Variants in PRDX4 observed in about 807,000 individuals in gnomAD.
PRDX4 encodes peroxiredoxin-4.
PRDX4 carries 12 observed loss-of-function variants against 20.5 expected under a neutral mutation model. The ratio of observed to expected loss-of-function variants is 0.58; its 90% CI spans 0.37 to 0.95. The LOEUF is 0.95. Among genes scored for constraint, PRDX4 ranks in the 40% least tolerant of loss-of-function variants. The probability of loss-of-function intolerance (pLI) is 0.01; values close to 1 mark genes in which losing one functional copy is unlikely to be tolerated. For synonymous variants in PRDX4, 99 were observed against 87.5 expected (o/e 1.13, Z -0.73); for missense variants, 180 against 207.3 (o/e 0.87, Z 0.81).
chrX:23,683,544 C>T, intron 5 of PRDX4, 127 bp from the exon 6 acceptor site: 1 of 585,139 alleles, frequency 1.7e-6, no homozygotes, highest in South Asian at 3.1e-5. Context: ...GTCATGTGCT[C>T]GGTGGTCTGG....
intron 3 of PRDX4, 117 bp from the exon 4 acceptor site, chrX:23,679,048 G>C (rs1455404298): frequency 2.6e-6 from 2 of 777,419 alleles, no homozygotes; most frequent in East Asian, 6.5e-5. Context: ...GCCTGTTTTT[G>C]TTAGTGAAAG....
At position 23,667,662 on chromosome X, in the gene PRDX4, C is replaced by T. The variant is rs765440623; in HGVS notation, c.92C>T (p.Pro31Leu). Residue 31 changes from proline (P) to leucine (L), a missense_variant, in exon 1 of 7, where the codon CCG becomes CTG. By Grantham distance (98) the Pro-to-Leu change is moderately conservative (BLOSUM62 -3). This residue lies in a region of PRDX4 where 105 missense variants were observed against 114.2 expected (regional missense o/e 0.92). Coordinates refer to ENST00000379341, the MANE Select transcript of PRDX4 (RefSeq NM_006406.2). Reference protein sequence around the residue: ...LLLPLLLFLLPAGAVQGWETE... With the variant: ...LLLPLLLFLLLAGAVQGWETE... ...CTGCCGCTACTGCTGTTCCTGCTGC[C>T]GGCTGGAGCTGTGCAGGGCTGGGAG... 3 of 1,207,462 alleles carry T rather than the reference C, an allele frequency of 2.5e-6. No homozygotes were observed. Among genetic ancestry groups the T allele is most frequent in the Admixed American group, 2.2e-5 (1 of 45,609 alleles).
rs139935045 is a variant in PRDX4 at position 23,679,201 on chromosome X, A to C, written c.513A>C (p.Pro171=). Residue 171 remains proline, a synonymous_variant, in exon 4 of 7, where the codon CCA becomes CCC. Transcript: ENST00000379341. ...CTCGAAGACAAGGAGGACTTGGGCC[A>C]ATAAGGATTCCACTTCTTTCAGATT... ...NTPRRQGGLG[P]IRIPLLSDLT... 6.6e-6 allele frequency: 8 copies of C among 1,206,452 alleles called. No individual in the cohort carries two copies. In the South Asian group the frequency reaches 1.1e-4, roughly 16 times the overall value.
chrX:23,679,060 A>G, intron 3 of PRDX4, 105 bp from the exon 4 acceptor site: 3 of 857,059 alleles, frequency 3.5e-6, no homozygotes, highest in Non-Finnish European at 4.9e-6. Context: ...TAGTGAAAGA[A>G]TGTGTGTATT....
chrX:23,683,757 A>T, intron 6 of PRDX4, 52 bp downstream of exon 6: 1 of 1,111,005 alleles, frequency 9.0e-7, no homozygotes. Context: ...AGTTGAAAAA[A>T]ATGCTGGCCG....
In PRDX4 at chrX:23,686,334, G is replaced by A. The variant is rs771238810; in HGVS notation, c.815G>A (p.Ter272=). The A allele has an allele frequency of 1.7e-6, 2 of 1,167,826 alleles. No homozygotes were observed. Among genetic ancestry groups the A allele is most frequent in the South Asian group, 3.8e-5 (2 of 51,986 alleles). ...CTGAAGTATTTCGATAAACTGAATT[G>A]AGAAATACTTCTTCAAGTTATGATG... is the stretch of plus-strand genomic sequence containing the variant. The part of the protein sequence containing the change: ...GKLKYFDKLN[*] Residue 272 remains the stop codon, a stop_retained_variant, in exon 7 of 7, where the codon TGA becomes TAA. Coordinates refer to ENST00000379341, the MANE Select transcript of PRDX4 (RefSeq NM_006406.2).
Position 23,667,710 on chromosome X carries a change from G to T in PRDX4, c.140G>T (p.Arg47Leu), listed in dbSNP as rs780963258. The change falls in exon 1 of 7, where the codon CGC becomes CTC. Residue 47 changes from arginine (R) to leucine (L), a missense_variant. By Grantham distance (102) the Arg-to-Leu change is moderately radical. Coordinates refer to ENST00000379341, the MANE Select transcript of PRDX4 (RefSeq NM_006406.2). ...GWETEERPRT[R>L]EEECHFYAGG... ...GAGACAGAGGAGAGGCCCCGGACTC[G>T]CGAAGAGGAGTGCCACTTCTACGCG... 1.7e-6 allele frequency: 2 copies of T among 1,211,633 alleles called. No individual in the cohort carries two copies. The highest frequency in any genetic ancestry group is 2.2e-6 in the Non-Finnish European group (2 of 895,401).
intron 6 of PRDX4, among the ~76,000 whole-genome samples, chrX:23,685,488 C>T (rs1005705827): frequency 1.8e-5 from 2 of 111,490 alleles, no homozygotes; most frequent in Admixed American, 9.7e-5. Context: ...ATTTCAAATC[C>T]CCTTTGAGAT....
At chrX:23,681,026 G>A (rs1042520232) in intron 4 of PRDX4, among the ~76,000 whole-genome samples, 6 of 111,431 alleles carry the variant, frequency 5.4e-5, no homozygotes, top group African/African-American at 2.0e-4. Context: ...TCAGGAGATC[G>A]AGACCATCCT....
intron 3 of PRDX4, among the ~76,000 whole-genome samples, chrX:23,677,729 A>C (rs1927976310): frequency 8.9e-6 from 1 of 111,854 alleles, no homozygotes; most frequent in African/African-American, 3.2e-5. Flanking sequence ...TTGATCTATC[A>C]GTTTCACTTT....
intron 2 of PRDX4, among the ~76,000 whole-genome samples, chrX:23,672,128 G>A (rs763684384): frequency 6.3e-5 from 7 of 111,467 alleles, no homozygotes; most frequent in Non-Finnish European, 1.3e-4. Context: ...GGGCGTGGTG[G>A]TACGCGCCTG....
chrX:23,680,169 A>G (rs892995159), intron 4 of PRDX4, among the ~76,000 whole-genome samples: 4 of 112,038 alleles, frequency 3.6e-5, no homozygotes, highest in African/African-American at 1.3e-4. Context: ...ACAGATTCAT[A>G]GAGTTCCGTG....
chrX:23,682,862 A>AT (rs1928114530), intron 5 of PRDX4, among the ~76,000 whole-genome samples: 1 of 80,550 alleles, frequency 1.2e-5, no homozygotes, highest in Non-Finnish European at 2.4e-5. Flanking sequence ...AAATATATAT[A>AT]TATATATATA....
chrX:23,673,556 C>G (rs1927885399), intron 2 of PRDX4, among the ~76,000 whole-genome samples: 1 of 111,756 alleles, frequency 8.9e-6, no homozygotes, highest in South Asian at 3.7e-4. Flanking sequence ...AGTTCTAGAC[C>G]AGCCTGGCCA....
intron 3 of PRDX4, among the ~76,000 whole-genome samples, chrX:23,676,458 C>G (rs1244547862): frequency 9.0e-6 from 1 of 110,571 alleles, no homozygotes; most frequent in East Asian, 2.8e-4. Context: ...TTATAAATAA[C>G]TTAACATATA....
Position 23,682,417 on chromosome X carries a change from C to T in PRDX4, c.621C>T (p.Asp207=). 8.5e-7 allele frequency: 1 copy of T among 1,170,307 alleles called. No homozygotes were observed. The highest frequency in any genetic ancestry group is 1.1e-6 in the Non-Finnish European group (1 of 869,666). The change falls in exon 5 of 7, where the codon GAC becomes GAT. Residue 207 remains aspartate (D), a synonymous_variant. Coordinates refer to ENST00000379341, the MANE Select transcript of PRDX4 (RefSeq NM_006406.2). ...HTLRGLFIID[D]KGILRQITLN... is the part of the protein sequence containing the mutation. ...ACAGAGGTCTCTTCATTATTGATGA[C>T]AAAGGAATCCTAAGACAAATTACTC...
intron 6 of PRDX4, among the ~76,000 whole-genome samples, chrX:23,684,174 G>A (rs1928142181): frequency 9.0e-6 from 1 of 110,748 alleles, no homozygotes. Flanking sequence ...TTGGCCTGTA[G>A]GAAGAGTAGC....
chrX:23,677,891 C>T (rs908041885), intron 3 of PRDX4, among the ~76,000 whole-genome samples: 5 of 111,795 alleles, frequency 4.5e-5, no homozygotes, highest in Admixed American at 3.8e-4. Context: ...GATGGTTTGA[C>T]GTATAATTTT....
chrX:23,681,219 A>G, intron 4 of PRDX4, among the ~76,000 whole-genome samples: 1 of 77,552 alleles, frequency 1.3e-5, no homozygotes, highest in South Asian at 9.3e-4. Flanking sequence ...GGCGACAGCG[A>G]GACTCCGTCT....
Sources: allele counts gnomAD v4.1 joint callset (sites outside exome capture counted in the v4.1 genomes callset), GRCh38; gene constraint gnomAD v4.1.1; regional missense constraint gnomAD v4.1.1; transcripts MANE v1.5; gene names NCBI Gene and HGNC (gene_info 2026-07-23, HGNC 2026-07-21).